Variants in RAB3GAP2 observed in about 807,000 individuals in gnomAD.
The protein encoded by RAB3GAP2 is RAB3 GTPase activating non-catalytic protein subunit 2, also known as rab3 GTPase-activating protein non-catalytic subunit.
In RAB3GAP2, 87 loss-of-function variants were observed where a neutral mutation model predicts 185.3. The observed-to-expected ratio is 0.47, with a 90% confidence interval of 0.39 to 0.56. The LOEUF (loss-of-function observed/expected upper bound fraction) is 0.56, where lower values mean the gene tolerates loss of function less well. Among genes scored for constraint, RAB3GAP2 ranks in the 20% least tolerant of loss-of-function variants. RAB3GAP2 has a pLI of 0.00. For synonymous variants in RAB3GAP2, 554 were observed against 576.1 expected (o/e 0.96, Z 0.55); for missense variants, 1,492 against 1,638.2 (o/e 0.91, Z 1.54).
At chr1:220,234,704 C>T (rs892590124) in intron 1 of RAB3GAP2, among the ~76,000 whole-genome samples, 2 of 152,020 alleles carry the variant, frequency 1.3e-5, no homozygotes, top group African/African-American at 4.8e-5. Context: ...AAACATGGAA[C>T]CATAATATAT....
At chr1:220,251,434 C>T (rs1413447176) in intron 1 of RAB3GAP2, among the ~76,000 whole-genome samples, 1 of 151,904 alleles carries the variant, frequency 6.6e-6, no homozygotes, top group Non-Finnish European at 1.5e-5. Flanking sequence ...TTTTGTAAAA[C>T]AATAGAAAAA....
At chr1:220,234,006 G>A (rs1198632612) in intron 1 of RAB3GAP2, among the ~76,000 whole-genome samples, 3 of 152,182 alleles carry the variant, frequency 2.0e-5, no homozygotes, top group Non-Finnish European at 4.4e-5. Context: ...CGGCCTTGAG[G>A]TAATACATAT....
chr1:220,250,774 A>G (rs1315491921), intron 1 of RAB3GAP2, among the ~76,000 whole-genome samples: 2 of 152,088 alleles, frequency 1.3e-5, no homozygotes, highest in African/African-American at 4.8e-5. Flanking sequence ...TCTCACAAGA[A>G]CTGATGGTTT....
chr1:220,202,483 T>A (rs936792926), intron 8 of RAB3GAP2, 109 bp from the exon 9 acceptor site: 1 of 1,122,312 alleles, frequency 8.9e-7, no homozygotes, highest in East Asian at 2.5e-5. Flanking sequence ...CAGCTAATAA[T>A]GACACAAAGT....
intron 2 of RAB3GAP2, among the ~76,000 whole-genome samples, chr1:220,220,059 T>C (rs536937119): frequency 1.3e-5 from 2 of 152,318 alleles, no homozygotes; most frequent in East Asian, 3.9e-4. Flanking sequence ...AATAATATCA[T>C]TTGACAAGGT....
intron 17 of RAB3GAP2, among the ~76,000 whole-genome samples, chr1:220,188,096 G>A (rs963749940): frequency 6.7e-6 from 1 of 149,466 alleles, no homozygotes; most frequent in Non-Finnish European, 1.5e-5. Flanking sequence ...AAATTGACTG[G>A]TGTGTGGGAA....
At chr1:220,254,371 G>A (rs747211680) in intron 1 of RAB3GAP2, 257 of 1,613,176 alleles carry the variant, frequency 1.6e-4, no homozygotes, top group South Asian at 2.9e-4. Flanking sequence ...GAGATTATTT[G>A]TACGAATTGG....
chr1:220,272,437 G>T lies in RAB3GAP2; in HGVS notation c.-100C>A. ...ACCGAGCCCCAATAGCTCTAGCCAA[G>T]CAGAAGGCGGAGAAACCAAACCGGA... On this transcript the variant is annotated 5_prime_UTR_variant, in exon 1 of 35. Transcript: ENST00000358951. 1 of 778,264 alleles carries T rather than the reference G, an allele frequency of 1.3e-6. No individual in the cohort carries two copies. Among genetic ancestry groups the T allele is most frequent in the Non-Finnish European group, 2.2e-6 (1 of 448,534 alleles). The allele number at this position is 778,264 out of a possible 1,614,324, so 48.2% of individuals were successfully genotyped here.
intron 28 of RAB3GAP2, among the ~76,000 whole-genome samples, chr1:220,161,723 T>C (rs1404167413): frequency 6.6e-6 from 1 of 152,182 alleles, no homozygotes; most frequent in African/African-American, 2.4e-5. Flanking sequence ...GGAACAACTA[T>C]AAAAATTATA....
At chr1:220,172,135 A>G (rs1658190603) in intron 22 of RAB3GAP2, 86 bp from the exon 23 acceptor site, 2 of 1,349,168 alleles carry the variant, frequency 1.5e-6, no homozygotes, top group Admixed American at 1.9e-5. Context: ...TAATGTTAAA[A>G]CTAAGTTACC....
chr1:220,164,836 A>G (rs1658035560), intron 26 of RAB3GAP2, 37 bp from the exon 27 acceptor site: 1 of 1,575,572 alleles, frequency 6.3e-7, no homozygotes, highest in Non-Finnish European at 8.7e-7. Context: ...AAAGAAAAAG[A>G]GGTATCATTT....
At chr1:220,179,657 A>T (rs1658363513) in intron 21 of RAB3GAP2, among the ~76,000 whole-genome samples, 1 of 152,232 alleles carries the variant, frequency 6.6e-6, no homozygotes, top group Non-Finnish European at 1.5e-5. Flanking sequence ...AAAAGTCAAA[A>T]TCATGTGAAG....
intron 27 of RAB3GAP2, among the ~76,000 whole-genome samples, chr1:220,164,456 GTTTTGTT>G (rs1182005772): frequency 1.6e-5 from 2 of 125,432 alleles, no homozygotes; most frequent in African/African-American, 3.0e-5. Context: ...TTTTTTTTTT[GTTTTGTT>G]TTTTGTTTTG....
At chr1:220,265,095 T>C (rs1660206533) in intron 1 of RAB3GAP2, among the ~76,000 whole-genome samples, 1 of 152,114 alleles carries the variant, frequency 6.6e-6, no homozygotes, top group African/African-American at 2.4e-5. Context: ...CTCTATATAT[T>C]TTCTGAAATC....
At chr1:220,266,607 T>G in intron 1 of RAB3GAP2, 1 of 1,066,038 alleles carries the variant, frequency 9.4e-7, no homozygotes, top group South Asian at 1.3e-5. Context: ...TGTTCTAGAT[T>G]GAGGGCAGCA....
chr1:220,210,224 C>G (rs986405987), intron 7 of RAB3GAP2, among the ~76,000 whole-genome samples, 164 bp downstream of exon 7: 1 of 152,118 alleles, frequency 6.6e-6, no homozygotes, highest in African/African-American at 2.4e-5. Context: ...GACTGGTATT[C>G]TTTACTCAGC....
intron 21 of RAB3GAP2, among the ~76,000 whole-genome samples, chr1:220,181,688 G>A (rs1229876101): frequency 2.0e-5 from 3 of 152,038 alleles, no homozygotes; most frequent in Non-Finnish European, 4.4e-5. Flanking sequence ...GTAAATGCAC[G>A]CATATAGATG....
rs188031183 is a variant in RAB3GAP2 at position 220,150,606 on chromosome 1, G to A, written c.*645C>T. The A allele has an allele frequency of 1.5e-3, 232 of 152,538 alleles. 1 individual carries two copies. The highest frequency in any genetic ancestry group is 1.3e-3 in the Non-Finnish European group (91 of 68,014). The allele number at this position is 152,538 out of a possible 1,614,324, so 9.4% of individuals were successfully genotyped here. A position where few individuals can be genotyped will look rare whatever the true frequency, so the allele number is the denominator to read the frequency against. ...TTACACATCTCTGATTCTCAATTTT[G>A]GCAAGTACAACAGGTTAAGGGTTCT... On this transcript the variant is annotated 3_prime_UTR_variant, in exon 35 of 35. Coordinates refer to ENST00000358951, the MANE Select transcript of RAB3GAP2 (RefSeq NM_012414.4).
At chr1:220,153,118 T>C in intron 33 of RAB3GAP2, 67 bp downstream of exon 33, 1 of 1,238,220 alleles carries the variant, frequency 8.1e-7, no homozygotes, top group Non-Finnish European at 1.2e-6. Flanking sequence ...GAAACTTAAC[T>C]GATTCTTTAT....
Sources: gnomAD v4.1 joint callset for allele counts (sites outside exome capture counted in the v4.1 genomes callset) on GRCh38, gnomAD v4.1.1 for gene constraint, MANE v1.5 for transcripts, NCBI Gene and HGNC (gene_info 2026-07-23, HGNC 2026-07-21) for gene names.